EFCAB11: variants seen among roughly 807,000 people sequenced by gnomAD.
EFCAB11 encodes the protein EF-hand calcium binding domain 11.
Under a neutral mutation model 23.0 loss-of-function variants are expected in EFCAB11, and 14 were observed. The observed-to-expected ratio is 0.61, with a 90% CI of 0.40 to 0.95. EFCAB11 has a LOEUF of 0.95. Among genes scored for constraint, EFCAB11 ranks in the 40% least tolerant of loss-of-function variants. The pLI is 0.00. For missense variants in EFCAB11, 198 were observed against 195.8 expected (o/e 1.01, Z -0.07); for synonymous variants, 65 against 66.6 (o/e 0.98, Z 0.11).
At chr14:89,860,609 G>A (rs1343604346) in intron 5 of EFCAB11, among the ~76,000 whole-genome samples, 5 of 152,110 alleles carry the variant, frequency 3.3e-5, no homozygotes, top group South Asian at 4.1e-4. Flanking sequence ...ACTCTACTAG[G>A]CATAAAATAA....
intron 2 of EFCAB11, among the ~76,000 whole-genome samples, chr14:89,953,050 AT>A (rs1286252313): frequency 3.9e-5 from 6 of 152,202 alleles, no homozygotes; most frequent in Non-Finnish European, 7.3e-5. Context: ...AACTCTCATT[AT>A]TGGTGAATTG....
intron 5 of EFCAB11, among the ~76,000 whole-genome samples, chr14:89,852,543 A>G (rs1281668242): frequency 6.6e-6 from 1 of 152,234 alleles, no homozygotes; most frequent in African/African-American, 2.4e-5. Flanking sequence ...TCTGTTCCCC[A>G]GGAGCCTAGC....
At position 89,866,813 on chromosome 14, in the gene EFCAB11, T is replaced by C. The variant is rs190490390; in HGVS notation, c.410+64728A>G. On this transcript the variant is annotated intron_variant, in intron 5 of 5. Transcript: ENST00000316738. ...AATGTTTTATTTATCTTTTTTTTAT[T>C]TTTATTTTTTTGAGAGTCTCACTCT... Among the ~76,000 whole-genome samples the C allele has an allele frequency of 3.3e-4, 51 of 152,326 alleles. 1 individual carries two copies. The East Asian group carries it at 9.6e-3, about 29-fold the overall frequency.
rs563646738 is a variant in EFCAB11 at position 89,865,726 on chromosome 14, G to A, written c.410+65815C>T. The stretch of plus-strand genomic sequence containing the variant: ...GTCGCCCAGCCTGGAGTGCAGTGGC[G>A]CGATCTCAGCACACTGTGGCCTCCA... On this transcript the variant is annotated intron_variant, in intron 5 of 5. Transcript: ENST00000316738. Among the ~76,000 whole-genome samples, 10 of 152,106 alleles carry A rather than the reference G, an allele frequency of 6.6e-5. No homozygotes were observed. The South Asian group carries it at 2.1e-3, about 32-fold the overall frequency.
chr14:89,946,227 T>C (rs1890979420), intron 3 of EFCAB11, among the ~76,000 whole-genome samples: 1 of 152,158 alleles, frequency 6.6e-6, no homozygotes, highest in Admixed American at 6.5e-5. Flanking sequence ...GGCATAAATG[T>C]TTAATTCCCT....
chr14:89,906,170 CTAAAATAA>C (rs1161212041), intron 5 of EFCAB11, among the ~76,000 whole-genome samples: 1 of 133,044 alleles, frequency 7.5e-6, no homozygotes, highest in Non-Finnish European at 1.6e-5. Context: ...CATTAGAGCA[CTAAAATAA>C]ATAAATAAAT....
At chr14:89,905,536 G>A (rs147913215) in intron 5 of EFCAB11, among the ~76,000 whole-genome samples, 22 of 152,306 alleles carry the variant, frequency 1.4e-4, no homozygotes, top group Non-Finnish European at 2.1e-4. Flanking sequence ...TTCAGGAGAG[G>A]ACCCAGTCTC....
chr14:89,934,769 C>A (rs7144055), intron 3 of EFCAB11, among the ~76,000 whole-genome samples: 1 of 152,022 alleles, frequency 6.6e-6, no homozygotes, highest in African/African-American at 2.4e-5. Context: ...TCTAGCTATG[C>A]CATGTGCCCA....
intron 5 of EFCAB11, among the ~76,000 whole-genome samples, chr14:89,876,684 A>G (rs984521195): frequency 3.9e-4 from 59 of 152,324 alleles, no homozygotes; most frequent in African/African-American, 1.2e-3. Flanking sequence ...ACCTCTTGGC[A>G]GCGCTGCCTG....
chr14:89,904,496 T>A (rs567169659), intron 5 of EFCAB11, among the ~76,000 whole-genome samples: 1 of 152,318 alleles, frequency 6.6e-6, no homozygotes, highest in Non-Finnish European at 1.5e-5. Context: ...TATCCAGTAA[T>A]GGGATGGCTG....
At position 89,797,322 on chromosome 14, in the gene EFCAB11, TCC is replaced by T. The variant is rs1885608758; in HGVS notation, c.411_412del (p.Glu138SerfsTer12). 2.5e-6 allele frequency: 4 copies of T among 1,612,640 alleles called. No individual in the cohort carries two copies. The highest frequency in any genetic ancestry group is 1.3e-5 in the African/African-American group (1 of 74,886). Reference sequence around the variant, plus strand: ...GTGACCATCTGAATCTCGATCTACTTCCCTGGAAAATGAAACAAAAAGTCATT... The same window carrying T: ...GTGACCATCTGAATCTCGATCTACTTCTGGAAAATGAAACAAAAAGTCATT... On this transcript the variant is annotated frameshift_variant and splice_region_variant, in exon 6 of 6. Coordinates refer to ENST00000316738, the MANE Select transcript of EFCAB11 (RefSeq NM_145231.4). LOFTEE classifies it high-confidence loss of function.
intron 3 of EFCAB11, among the ~76,000 whole-genome samples, chr14:89,936,317 A>T (rs1890580535): frequency 6.6e-6 from 1 of 152,232 alleles, no homozygotes; most frequent in Non-Finnish European, 1.5e-5. Flanking sequence ...TAAATTACAT[A>T]TTCAGATAAC....
chr14:89,887,737 T>C (rs1888838993), intron 5 of EFCAB11, among the ~76,000 whole-genome samples: 2 of 152,186 alleles, frequency 1.3e-5, no homozygotes, highest in South Asian at 2.1e-4. Context: ...ACAGGTGTTA[T>C]GGAATAAAGA....
chr14:89,875,669 CA>C (rs1353112123), intron 5 of EFCAB11, among the ~76,000 whole-genome samples: 1 of 151,936 alleles, frequency 6.6e-6, no homozygotes, highest in Non-Finnish European at 1.5e-5. Context: ...TAATATAAAC[CA>C]TTTAGAATAT....
chr14:89,892,931 G>C (rs1889024875), intron 5 of EFCAB11, among the ~76,000 whole-genome samples: 1 of 151,980 alleles, frequency 6.6e-6, no homozygotes, highest in South Asian at 2.1e-4. Flanking sequence ...GAAAAGAAAG[G>C]CCTGAGAGCC....
At chr14:89,898,464 A>C (rs1188449336) in intron 5 of EFCAB11, among the ~76,000 whole-genome samples, 1 of 152,036 alleles carries the variant, frequency 6.6e-6, no homozygotes, top group Non-Finnish European at 1.5e-5. Flanking sequence ...TGCCAGCTTC[A>C]AGCAATTCTC....
chr14:89,874,413 C>T (rs1888371789), intron 5 of EFCAB11, among the ~76,000 whole-genome samples: 1 of 152,318 alleles, frequency 6.6e-6, no homozygotes, highest in South Asian at 2.1e-4. Flanking sequence ...TGGTGATTAA[C>T]ATTTGGCTCC....
chr14:89,864,087 T>A (rs762678213), intron 5 of EFCAB11, among the ~76,000 whole-genome samples: 1 of 152,212 alleles, frequency 6.6e-6, no homozygotes, highest in African/African-American at 2.4e-5. Flanking sequence ...TTCTAAATAA[T>A]GCATAATGGT....
intron 5 of EFCAB11, among the ~76,000 whole-genome samples, chr14:89,832,710 C>CA (rs1886925279): frequency 6.6e-6 from 1 of 152,164 alleles, no homozygotes; most frequent in Non-Finnish European, 1.5e-5. Flanking sequence ...TACAGTTGGG[C>CA]AAAATCATTT....
Sources: allele counts gnomAD v4.1 joint callset (sites outside exome capture counted in the v4.1 genomes callset), GRCh38; gene constraint gnomAD v4.1.1; transcripts MANE v1.5; gene names NCBI Gene and HGNC (gene_info 2026-07-23, HGNC 2026-07-21).